Variants in ACTN2 observed in about 807,000 individuals in gnomAD.
ACTN2 encodes alpha-actinin-2.
A neutral mutation model predicts 113.8 loss-of-function variants in ACTN2; 39 were observed. The ratio of observed to expected loss-of-function variants is 0.34; its 90% CI spans 0.27 to 0.45. The LOEUF (loss-of-function observed/expected upper bound fraction) is 0.45. Ranked by LOEUF, ACTN2 falls within the 20% of genes least tolerant of loss-of-function variation. ACTN2 has a pLI of 1.00. For missense variants in ACTN2, 992 were observed against 1,177.9 expected (o/e 0.84, Z 2.31); for synonymous variants, 429 against 444.1 (o/e 0.97, Z 0.43).
chr1:236,746,876 G>T (rs1262675928), intron 12 of ACTN2, among the ~76,000 whole-genome samples: 1 of 152,160 alleles, frequency 6.6e-6, no homozygotes, highest in South Asian at 2.1e-4. Flanking sequence ...AAGTGGAAGG[G>T]CTCAGTTCGG....
chr1:236,735,669 C>G lies in ACTN2; in HGVS notation c.732C>G (p.Ala244=). Residue 244 remains alanine (A), a synonymous_variant, in exon 8 of 21, where the codon GCC becomes GCG. Coordinates refer to ENST00000366578, the MANE Select transcript of ACTN2 (RefSeq NM_001103.4). ...IVNTPKPDER[A]IMTYVSCFYH... The stretch of plus-strand genomic sequence containing the variant: ...ACACCCCTAAACCCGATGAAAGAGC[C>G]ATCATGACGTACGTCTCTTGCTTCT... 1 of 1,614,218 alleles carries G rather than the reference C, an allele frequency of 6.2e-7. No individual in the cohort carries two copies. Among genetic ancestry groups the G allele is most frequent in the South Asian group, 1.1e-5 (1 of 91,084 alleles).
chr1:236,709,222 A>G (rs12737149), intron 1 of ACTN2, among the ~76,000 whole-genome samples: 2,727 of 40,030 alleles, frequency 0.068, 92 homozygotes, highest in African/African-American at 0.21. Context: ...AAATGACTGT[A>G]TATATATATA....
intron 4 of ACTN2, among the ~76,000 whole-genome samples, chr1:236,721,021 T>G (rs1407435525): frequency 1.4e-4 from 8 of 55,610 alleles, no homozygotes; most frequent in Non-Finnish European, 2.8e-4. Context: ...TTTTGTTTTT[T>G]GTTTTTTTTT....
At chr1:236,709,671 G>A (rs1438825716) in intron 1 of ACTN2, among the ~76,000 whole-genome samples, 3 of 151,970 alleles carry the variant, frequency 2.0e-5, no homozygotes, top group Admixed American at 2.0e-4. Flanking sequence ...AACAGAGAAC[G>A]CTCAGCAGCA....
intron 18 of ACTN2, 92 bp downstream of exon 18, chr1:236,757,724 C>T (rs1659591512): frequency 2.0e-6 from 3 of 1,511,314 alleles, no homozygotes; most frequent in South Asian, 2.3e-5. Flanking sequence ...AGTCTTAAGG[C>T]TCCACAACAT....
chr1:236,739,127 G>A (rs891779923), intron 9 of ACTN2, among the ~76,000 whole-genome samples, 175 bp from the exon 10 acceptor site: 3 of 152,030 alleles, frequency 2.0e-5, no homozygotes, highest in African/African-American at 7.3e-5. Flanking sequence ...GATCACTCGC[G>A]GCCATGGGCG....
chr1:236,686,527 G>A lies in ACTN2; in HGVS notation c.-147G>A, dbSNP rs1349485543. On this transcript the variant is annotated 5_prime_UTR_variant, in exon 1 of 21. Transcript: ENST00000366578. ...GCTGGTGCTTCGCCCGAGACCCAGC[G>A]CCCAGGCGTGTCGCCCCGAGAGGAG... The A allele has an allele frequency of 4.3e-6, 4 of 922,904 alleles. No homozygotes were observed. The highest frequency in any genetic ancestry group is 1.8e-5 in the African/African-American group (1 of 55,890). The allele number at this position is 922,904 out of a possible 1,614,324, so 57.2% of individuals were successfully genotyped here.
rs761640231 is a variant in ACTN2, at chr1:236,744,764, C to A, written c.1394C>A (p.Ala465Glu). Residue 465 changes from alanine to glutamate, a missense_variant, in exon 12 of 21, where the codon GCG (alanine) becomes GAG (glutamate). Transcript: ENST00000366578. ...QDRVEQIAAI[A>E]QELNELDYHD... Reference sequence around the variant, plus strand: ...CGCGTGGAGCAGATCGCAGCCATCGCGCAGGAGCTCAAGTATGTGCAGATG... The same window carrying A: ...CGCGTGGAGCAGATCGCAGCCATCGAGCAGGAGCTCAAGTATGTGCAGATG... The A allele has an allele frequency of 6.2e-7, 1 of 1,614,076 alleles. No homozygotes were observed. Among genetic ancestry groups the A allele is most frequent in the Admixed American group, 1.7e-5 (1 of 60,020 alleles).
intron 1 of ACTN2, among the ~76,000 whole-genome samples, chr1:236,695,392 A>G (rs1657459192): frequency 6.6e-6 from 1 of 150,644 alleles, no homozygotes; most frequent in South Asian, 2.1e-4. Flanking sequence ...AAAAAAAAAA[A>G]GTTAAGAGAT....
At chr1:236,713,587 C>A (rs1023732309) in intron 1 of ACTN2, among the ~76,000 whole-genome samples, 1 of 151,218 alleles carries the variant, frequency 6.6e-6, no homozygotes, top group African/African-American at 2.4e-5. Flanking sequence ...AAAAAAAAGA[C>A]GTGTGTCTGT....
At chr1:236,747,285 A>G (rs1461356602) in intron 12 of ACTN2, among the ~76,000 whole-genome samples, 3 of 152,222 alleles carry the variant, frequency 2.0e-5, no homozygotes, top group Non-Finnish European at 4.4e-5. Context: ...CAGTGATGAC[A>G]GTTAACAAAA....
chr1:236,735,658 G>T lies in ACTN2; in HGVS notation c.721G>T (p.Asp241Tyr), dbSNP rs1342620732. The change falls in exon 8 of 21, where the codon GAT (aspartate) becomes TAT (tyrosine). Residue 241 changes from aspartate to tyrosine, a missense_variant. Asp to Tyr is a radical substitution (Grantham distance 160). Coordinates refer to ENST00000366578, the MANE Select transcript of ACTN2 (RefSeq NM_001103.4). ...AEDIVNTPKP[D>Y]ERAIMTYVSC... The stretch of plus-strand genomic sequence containing the variant: ...AGACATCGTGAACACCCCTAAACCC[G>T]ATGAAAGAGCCATCATGACGTACGT... 2 of 1,613,972 alleles carry T rather than the reference G, an allele frequency of 1.2e-6. No individual in the cohort carries two copies. Among genetic ancestry groups the T allele is most frequent in the Admixed American group, 1.7e-5 (1 of 59,996 alleles).
chr1:236,749,928 A>G (rs562289792), intron 14 of ACTN2, among the ~76,000 whole-genome samples: 3 of 152,224 alleles, frequency 2.0e-5, no homozygotes, highest in Non-Finnish European at 4.4e-5. Context: ...TGAGTTAACT[A>G]CTTTGCAAAC....
At chr1:236,706,381 C>G (rs148284677) in intron 1 of ACTN2, among the ~76,000 whole-genome samples, 1 of 152,060 alleles carries the variant, frequency 6.6e-6, no homozygotes, top group Admixed American at 6.5e-5. Flanking sequence ...AACAAAGATC[C>G]CTGCTTCTCT....
chr1:236,734,140 G>A (rs922726645), intron 7 of ACTN2, among the ~76,000 whole-genome samples: 5 of 152,096 alleles, frequency 3.3e-5, no homozygotes, highest in African/African-American at 7.2e-5. Flanking sequence ...GTTCAATTCC[G>A]AGGGCCTAAT....
In ACTN2 at chr1:236,762,508, G is replaced by A; in HGVS notation, c.2574G>A (p.Gln858=). 6.2e-7 allele frequency: 1 copy of A among 1,614,160 alleles called. No homozygotes were observed. Among genetic ancestry groups the A allele is most frequent in the Non-Finnish European group, 8.5e-7 (1 of 1,180,010 alleles). Residue 858 remains glutamine (Q), a synonymous_variant, in exon 21 of 21, where the codon CAG becomes CAA. Coordinates refer to ENST00000366578, the MANE Select transcript of ACTN2 (RefSeq NM_001103.4). ...EELRRELPPD[Q]AQYCIKRMPA... ...TGCGTCGGGAGCTGCCCCCGGATCA[G>A]GCCCAGTACTGCATCAAGAGGATGC...
chr1:236,732,535 C>T (rs1043626544), intron 7 of ACTN2, among the ~76,000 whole-genome samples: 15 of 151,634 alleles, frequency 9.9e-5, no homozygotes, highest in African/African-American at 2.9e-4. Flanking sequence ...CTCTGTCTCC[C>T]GGGTTCAAGA....
intron 5 of ACTN2, among the ~76,000 whole-genome samples, chr1:236,726,802 CCTT>C (rs1658562463): frequency 6.6e-6 from 1 of 152,178 alleles, no homozygotes; most frequent in African/African-American, 2.4e-5. Flanking sequence ...GGAAGAGAAT[CCTT>C]CTTTGTCCCT....
chr1:236,697,493 C>G (rs10802554), intron 1 of ACTN2, among the ~76,000 whole-genome samples: 1 of 152,314 alleles, frequency 6.6e-6, no homozygotes, highest in African/African-American at 2.4e-5. Context: ...TGAGCTAAGA[C>G]TAGAGGACTC....
Sources: gnomAD v4.1 joint callset for allele counts (sites outside exome capture counted in the v4.1 genomes callset) on GRCh38, gnomAD v4.1.1 for gene constraint, MANE v1.5 for transcripts, NCBI Gene and HGNC (gene_info 2026-07-23, HGNC 2026-07-21) for gene names.